Variants in ZNF880 observed in about 807,000 individuals in gnomAD.
ZNF880 encodes the protein zinc finger protein LOC400713.
In ZNF880, 12 loss-of-function variants were observed where a neutral mutation model predicts 11.8. The observed-to-expected ratio is 1.02, with a 90% CI of 0.65 to 1.65. The LOEUF (loss-of-function observed/expected upper bound fraction) is 1.65. ZNF880 is among the 40% of genes most tolerant of loss of function. ZNF880 has a pLI of 0.00. For missense variants in ZNF880, 601 were observed against 673.9 expected (o/e 0.89, Z 1.20); for synonymous variants, 210 against 232.4 (o/e 0.90, Z 0.88).
At chr19:52,383,567 G>T (rs1042720781) in intron 3 of ZNF880, among the ~76,000 whole-genome samples, 15 of 152,102 alleles carry the variant, frequency 9.9e-5, no homozygotes, top group African/African-American at 3.4e-4. Context: ...TCCTTAAGAG[G>T]CTCATCCCTG....
chr19:52,367,583 A>G (rs1986171477), upstream of ZNF880: 2 of 126,066 alleles, frequency 1.6e-5, no homozygotes, highest in Non-Finnish European at 3.3e-5. Context: ...TGTGTGAGAC[A>G]TAAAACAACA....
chr19:52,394,253 T>C, the ZNF880 span, among the ~76,000 whole-genome samples: 1 of 152,096 alleles, frequency 6.6e-6, no homozygotes. Flanking sequence ...TATTATTATT[T>C]TGAGACAGGG....
Position 52,383,979 on chromosome 19 carries a change from T to C in ZNF880, c.399T>C (p.His133=), listed in dbSNP as rs1419133839. 1 of 1,541,512 alleles carries C rather than the reference T, an allele frequency of 6.5e-7. No homozygotes were observed. Among genetic ancestry groups the C allele is most frequent in the Non-Finnish European group, 8.8e-7 (1 of 1,142,812 alleles). ...AAAGGAATATTTCTGGATGTAAACA[T>C]GTCGAAAAACCTATCAACAATTCCT... ...QAERNISGCK[H]VEKPINNSLV... The change falls in exon 4 of 4, where the codon CAT becomes CAC. Residue 133 remains histidine (H), a synonymous_variant. Transcript: ENST00000422689.
In ZNF880 at chr19:52,384,787, A is replaced by G; in HGVS notation, c.1207A>G (p.Thr403Ala). 1 of 1,611,318 alleles carries G rather than the reference A, an allele frequency of 6.2e-7. No homozygotes were observed. The highest frequency in any genetic ancestry group is 8.5e-7 in the Non-Finnish European group (1 of 1,178,402). ...FCLTNHHRMH[T>A]GEQPYKCNEC... ...TCTAACCAATCATCATAGAATGCAC[A>G]CGGGAGAGCAACCTTACAAATGTAA... Residue 403 changes from threonine (T) to alanine (A), a missense_variant, in exon 4 of 4, where the codon ACG becomes GCG. This residue lies in a region of ZNF880 where 177 missense variants were observed against 214.5 expected (regional missense o/e 0.83). Coordinates refer to ENST00000422689, the MANE Select transcript of ZNF880 (RefSeq NM_001145434.2).
upstream of ZNF880, chr19:52,369,865 C>T (rs543362145): frequency 1.4e-6 from 2 of 1,467,970 alleles, no homozygotes; most frequent in South Asian, 2.4e-5. Context: ...GAGGGAAGCG[C>T]AGGCTCCGCC....
chr19:52,394,701 T>A, the ZNF880 span: 1 of 152,208 alleles, frequency 6.6e-6, no homozygotes, highest in Non-Finnish European at 1.5e-5. Context: ...AAAAATTTAT[T>A]CTTTTATAAT....
intron 1 of ZNF880, chr19:52,370,223 T>C: frequency 1.8e-6 from 1 of 563,808 alleles, no homozygotes; most frequent in Admixed American, 3.0e-5. Context: ...GGAGTTTGCC[T>C]GCTTCAAATC....
In ZNF880 at chr19:52,383,971, T is replaced by A; in HGVS notation, c.391T>A (p.Cys131Ser). 2 of 1,551,294 alleles carry A rather than the reference T, an allele frequency of 1.3e-6. No individual in the cohort carries two copies. Among genetic ancestry groups the A allele is most frequent in the Non-Finnish European group, 1.7e-6 (2 of 1,147,438 alleles). ...TCAAGCTGAAAGGAATATTTCTGGA[T>A]GTAAACATGTCGAAAAACCTATCAA... Reference protein sequence around the residue: ...LFQAERNISGCKHVEKPINNS... With the variant: ...LFQAERNISGSKHVEKPINNS... Residue 131 changes from cysteine (C) to serine (S), a missense_variant, in exon 4 of 4, where the codon TGT becomes AGT. Physicochemically the swap from Cys to Ser is moderately radical, Grantham distance 112. This residue lies in a region of ZNF880 where 420 missense variants were observed against 442.6 expected (regional missense o/e 0.95). Transcript: ENST00000422689.
At chr19:52,390,011 A>AC (rs942848223), downstream of ZNF880, 14 of 152,172 alleles carry the variant, frequency 9.2e-5, no homozygotes, top group Admixed American at 8.5e-4. Context: ...TTATAGCAGC[A>AC]CCCCACTCTA....
At chr19:52,387,898 CTT>C (rs71180454), downstream of ZNF880, among the ~76,000 whole-genome samples, 2,605 of 85,954 alleles carry the variant, frequency 0.03, 261 homozygotes, top group African/African-American at 0.13. Flanking sequence ...CATAAATTTT[CTT>C]TTTTTTTTTT....
At chr19:52,369,849 G>A (rs1986303875), upstream of ZNF880, 2 of 1,340,134 alleles carry the variant, frequency 1.5e-6, no homozygotes, top group African/African-American at 2.9e-5. Flanking sequence ...AGCTGGGAGC[G>A]AGGCGGAGGG....
downstream of ZNF880, among the ~76,000 whole-genome samples, chr19:52,388,345 C>T (rs192801580): frequency 3.7e-4 from 45 of 121,434 alleles, no homozygotes; most frequent in Admixed American, 2.6e-3. Context: ...TGCAGTGGCG[C>T]GATCTTGGCT....
rs1296791534 is a variant in ZNF880 at position 52,384,281 on chromosome 19, A to G, written c.701A>G (p.His234Arg). The G allele has an allele frequency of 1.2e-6, 2 of 1,613,798 alleles. No homozygotes were observed. The highest frequency in any genetic ancestry group is 1.1e-5 in the South Asian group (1 of 91,038). ...AACCTTGTACAACATCAAAGAATTC[A>G]TACTGGAGAGAAGCCTTACAAGTGT... ...SSNLVQHQRI[H>R]TGEKPYKCHE... Residue 234 changes from histidine to arginine, a missense_variant, in exon 4 of 4, where the codon CAT becomes CGT. Coordinates refer to ENST00000422689, the MANE Select transcript of ZNF880 (RefSeq NM_001145434.2).
the ZNF880 span, chr19:52,396,979 T>G: frequency 6.6e-6 from 1 of 152,058 alleles, no homozygotes; most frequent in African/African-American, 2.4e-5. Context: ...CCGGGCGTGG[T>G]GGCTACTCTG....
chr19:52,373,669 A>ATTTTTTT (rs35788651), intron 2 of ZNF880, among the ~76,000 whole-genome samples: 5 of 102,564 alleles, frequency 4.9e-5, no homozygotes, highest in Non-Finnish European at 7.5e-5. Context: ...AAATACTGTA[A>ATTTTTTT]TTTTTTTTTT....
the ZNF880 span, among the ~76,000 whole-genome samples, chr19:52,394,129 G>A: frequency 6.7e-6 from 1 of 150,026 alleles, no homozygotes; most frequent in Non-Finnish European, 1.5e-5. Context: ...GTAAGCCACT[G>A]CACCCGGCCT....
chr19:52,391,996 G>T, the ZNF880 span, among the ~76,000 whole-genome samples: 8 of 152,044 alleles, frequency 5.3e-5, no homozygotes, highest in African/African-American at 9.7e-5. Context: ...ATAAAAACTG[G>T]GTGTTCTCTA....
At chr19:52,390,030 C>G (rs1468073032), downstream of ZNF880, 4 of 152,490 alleles carry the variant, frequency 2.6e-5, no homozygotes, top group African/African-American at 4.8e-5. Context: ...TATACCATTA[C>G]CAATTTACTG....
chr19:52,368,500 A>G (rs1298813829), upstream of ZNF880, among the ~76,000 whole-genome samples: 1 of 152,020 alleles, frequency 6.6e-6, no homozygotes, highest in East Asian at 1.9e-4. Context: ...TGTTTATTAT[A>G]TAATGAGGCT....
Sources: allele counts gnomAD v4.1 joint callset (sites outside exome capture counted in the v4.1 genomes callset), GRCh38; gene constraint gnomAD v4.1.1; regional missense constraint gnomAD v4.1.1; transcripts MANE v1.5; gene names NCBI Gene and HGNC (gene_info 2026-07-23, HGNC 2026-07-21).